The following CLCC1 variants were observed in gnomAD, a reference collection of about 807,000 sequenced individuals.
The protein encoded by CLCC1 is chloride channel CLIC-like protein 1.
In CLCC1, 39 loss-of-function variants were observed where a neutral mutation model predicts 63.3. The observed-to-expected ratio is 0.62, with a 90% CI of 0.48 to 0.81. CLCC1 has a LOEUF of 0.81. Ranked by LOEUF, CLCC1 falls within the 30% of genes least tolerant of loss-of-function variation. The pLI is 0.00. For missense variants in CLCC1, 549 were observed against 669.4 expected (o/e 0.82, Z 1.98); for synonymous variants, 217 against 239.8 (o/e 0.90, Z 0.88).
In CLCC1 at chr1:108,931,572, A is replaced by ACAT; in HGVS notation, c.*974_*975insATG. The ACAT allele has an allele frequency of 6.9e-7, 1 of 1,450,638 alleles. No homozygotes were observed. The highest frequency in any genetic ancestry group is 9.2e-7 in the Non-Finnish European group (1 of 1,092,234). The allele number at this position is 1,450,638 out of a possible 1,614,324, so 89.9% of individuals were successfully genotyped here. A position where few individuals can be genotyped will look rare whatever the true frequency, so the allele number is the denominator to read the frequency against. ...ATGGGCAAATAGAACTATTTCTCTA[A>ACAT]TGGCCAATGTTTTTTAAGAGTCATA... On this transcript the variant is annotated 3_prime_UTR_variant, in exon 13 of 13. Transcript: ENST00000369969.
At position 108,940,123 on chromosome 1, in the gene CLCC1, C is replaced by A; in HGVS notation, c.816G>T (p.Trp272Cys). The change falls in exon 9 of 13, where the codon TGG (tryptophan) becomes TGT (cysteine). Residue 272 changes from tryptophan (W) to cysteine (C), a missense_variant. Trp to Cys is a radical substitution (Grantham distance 215). Transcript: ENST00000369969. ...GSIWEWFRSSWTYKDDPCQKY... is the reference protein window; with the variant it reads ...GSIWEWFRSSCTYKDDPCQKY... ...TTTGGCATGGGTCATCCTTATAGGT[C>A]CATGAACTTCTAAACCATTCTGTTT... is the stretch of plus-strand genomic sequence containing the variant. The A allele has an allele frequency of 5.0e-6, 8 of 1,610,062 alleles. No individual in the cohort carries two copies. Among genetic ancestry groups the A allele is most frequent in the Non-Finnish European group, 6.8e-6 (8 of 1,176,694 alleles).
Position 108,957,981 on chromosome 1 carries a change from A to G in CLCC1, c.-12+4328T>C, listed in dbSNP as rs186194681. Among the ~76,000 whole-genome samples, 65 of 151,528 alleles carry G rather than the reference A, an allele frequency of 4.3e-4. 1 individual carries two copies. Among genetic ancestry groups the G allele is most frequent in the Middle Eastern group, 3.4e-3 (1 of 294 alleles). On this transcript the variant is annotated intron_variant, in intron 2 of 12. Coordinates refer to ENST00000369969, the MANE Select transcript of CLCC1 (RefSeq NM_001377458.1). ...GCAAGAGATAATTCTAGTGAGTGCTATGAGGCAGGAAGAAAACCAAGAGAG... is the reference window on the plus strand; with the variant it reads ...GCAAGAGATAATTCTAGTGAGTGCTGTGAGGCAGGAAGAAAACCAAGAGAG...
In CLCC1 at chr1:108,954,817, CGTGTGT is replaced by C. The variant is rs58482013; in HGVS notation, c.-11-4375_-11-4370del. Among the ~76,000 whole-genome samples the C allele has an allele frequency of 1.9e-3, 274 of 140,596 alleles. 6 individuals carry two copies. The highest frequency in any genetic ancestry group is 6.6e-3 in the African/African-American group (235 of 35,826). 92.2% of individuals were successfully genotyped at this position (140,596 alleles called of 152,430 possible). Reference sequence around the variant, plus strand: ...TACTGTATACTGGGCACTGTCTTTGCGTGTGTGTGTGTGTGTGTGTGTGTGTGTGTG... The same window carrying C: ...TACTGTATACTGGGCACTGTCTTTGCGTGTGTGTGTGTGTGTGTGTGTGTG... On this transcript the variant is annotated intron_variant, in intron 2 of 12. Coordinates refer to ENST00000369969, the MANE Select transcript of CLCC1 (RefSeq NM_001377458.1).
intron 11 of CLCC1, among the ~76,000 whole-genome samples, chr1:108,935,386 G>C (rs997656654): frequency 2.0e-5 from 3 of 152,216 alleles, no homozygotes; most frequent in Non-Finnish European, 4.4e-5. Context: ...GAATTAAAGA[G>C]GCTATGTAAA....
intron 6 of CLCC1, 63 bp downstream of exon 6, chr1:108,943,773 A>C (rs1385088239): frequency 1.4e-6 from 2 of 1,460,826 alleles, no homozygotes; most frequent in African/African-American, 2.8e-5. Context: ...ATTATGGTGG[A>C]GTTTGGAAAG....
In CLCC1 at chr1:108,931,308, C is replaced by G; in HGVS notation, c.*1239G>C. 1 of 1,542,308 alleles carries G rather than the reference C, an allele frequency of 6.5e-7. No individual in the cohort carries two copies. Among genetic ancestry groups the G allele is most frequent in the Non-Finnish European group, 8.8e-7 (1 of 1,142,044 alleles). The stretch of plus-strand genomic sequence containing the variant: ...TGTCATTAAGCTTTGTCTTCCTTAT[C>G]CCAGATATTGAAGGCAGTTTACAAG... On this transcript the variant is annotated 3_prime_UTR_variant, in exon 13 of 13. Coordinates refer to ENST00000369969, the MANE Select transcript of CLCC1 (RefSeq NM_001377458.1).
At chr1:108,936,168 C>G (rs1652956234) in intron 11 of CLCC1, among the ~76,000 whole-genome samples, 1 of 145,980 alleles carries the variant, frequency 6.9e-6, no homozygotes, top group South Asian at 2.2e-4. Context: ...TCTCGGCTCA[C>G]TGCAACCTCC....
chr1:108,937,070 G>T lies in CLCC1; in HGVS notation c.1383+7C>A. Reference sequence around the variant, plus strand: ...GGGACAGCAGAATAAAAGAGTTGCTGACTTACACTGGGTACCACCGTGGGA... The same window carrying T: ...GGGACAGCAGAATAAAAGAGTTGCTTACTTACACTGGGTACCACCGTGGGA... On this transcript the variant is annotated splice_region_variant and intron_variant, in intron 11 of 12. Coordinates refer to ENST00000369969, the MANE Select transcript of CLCC1 (RefSeq NM_001377458.1). 1 of 1,483,770 alleles carries T rather than the reference G, an allele frequency of 6.7e-7. No individual in the cohort carries two copies. 91.9% of individuals were successfully genotyped at this position (1,483,770 alleles called of 1,614,324 possible).
chr1:108,943,733 A>G (rs1024418419), intron 6 of CLCC1, 103 bp downstream of exon 6: 13 of 1,435,372 alleles, frequency 9.1e-6, no homozygotes, highest in African/African-American at 5.7e-5. Flanking sequence ...TCAATACGGT[A>G]TAAGTGACCT....
At chr1:108,958,458 G>A (rs935488897) in intron 2 of CLCC1, among the ~76,000 whole-genome samples, 2 of 151,472 alleles carry the variant, frequency 1.3e-5, no homozygotes, top group East Asian at 1.9e-4. Flanking sequence ...ATCTCAGTGC[G>A]TGTGTTCAAG....
At chr1:108,960,771 C>G (rs933277723) in intron 2 of CLCC1, among the ~76,000 whole-genome samples, 1 of 151,744 alleles carries the variant, frequency 6.6e-6, no homozygotes, top group South Asian at 2.1e-4. Flanking sequence ...ATGGGGGAAA[C>G]GGAGATTTGG....
At chr1:108,951,524 C>T (rs1295041877) in intron 2 of CLCC1, among the ~76,000 whole-genome samples, 3 of 152,112 alleles carry the variant, frequency 2.0e-5, no homozygotes, top group Non-Finnish European at 4.4e-5. Flanking sequence ...GAAAATGCTA[C>T]ATTATGTGAA....
intron 4 of CLCC1, among the ~76,000 whole-genome samples, chr1:108,948,346 A>C (rs1307954094): frequency 3.3e-5 from 5 of 152,236 alleles, no homozygotes; most frequent in Admixed American, 3.3e-4. Context: ...ACACGGGAGC[A>C]GACTTCCTAC....
rs1017471575 is a variant in CLCC1, at chr1:108,930,676, G to T, written c.*1871C>A. On this transcript the variant is annotated 3_prime_UTR_variant, in exon 13 of 13. Transcript: ENST00000369969. The stretch of plus-strand genomic sequence containing the variant: ...GGCCGAAGCGGGCGGATCACTTGAG[G>T]TCGGGAGTTTGAGACCAGCCTGGCC... 1 of 152,238 alleles carries T rather than the reference G, an allele frequency of 6.6e-6. No individual in the cohort carries two copies. The highest frequency in any genetic ancestry group is 6.6e-5 in the Admixed American group (1 of 15,254). 9.4% of individuals were successfully genotyped at this position (152,238 alleles called of 1,614,324 possible).
intron 12 of CLCC1, chr1:108,933,064 T>C (rs1010613808): frequency 3.9e-5 from 6 of 152,218 alleles, no homozygotes; most frequent in African/African-American, 1.4e-4. Flanking sequence ...TTTTAGTACA[T>C]AGCCTTGAAC....
intron 5 of CLCC1, among the ~76,000 whole-genome samples, chr1:108,945,054 A>G (rs1452401791): frequency 6.6e-6 from 1 of 152,216 alleles, no homozygotes; most frequent in Admixed American, 6.5e-5. Context: ...CAATTGATCA[A>G]TATATAACCT....
chr1:108,957,760 G>C (rs1254231060), intron 2 of CLCC1, among the ~76,000 whole-genome samples: 1 of 151,408 alleles, frequency 6.6e-6, no homozygotes, highest in African/African-American at 2.5e-5. Context: ...AGTGTCCACT[G>C]ATGTCCAAGT....
At chr1:108,960,885 G>A (rs759485028) in intron 2 of CLCC1, among the ~76,000 whole-genome samples, 2 of 151,978 alleles carry the variant, frequency 1.3e-5, no homozygotes, top group Non-Finnish European at 2.9e-5. Context: ...ACAGGGTCTT[G>A]CTATGTTGCC....
Position 108,947,708 on chromosome 1 carries a change from C to T in CLCC1, c.242G>A (p.Cys81Tyr). ...ATAGTCTTCCCTCTTTTTCTTTTCA[C>T]ACTCATCAATCTGTAACCATAAAAT... ...LDSLTYKIDE[C>Y]EKKKREDYES... Residue 81 changes from cysteine (C) to tyrosine (Y), a missense_variant, in exon 5 of 13, where the codon TGT (cysteine) becomes TAT (tyrosine). Physicochemically the swap from Cys to Tyr is radical, Grantham distance 194. Transcript: ENST00000369969. 6.2e-7 allele frequency: 1 copy of T among 1,602,592 alleles called. No homozygotes were observed. The highest frequency in any genetic ancestry group is 8.5e-7 in the Non-Finnish European group (1 of 1,171,728).
Sources: allele counts gnomAD v4.1 joint callset (sites outside exome capture counted in the v4.1 genomes callset), GRCh38; gene constraint gnomAD v4.1.1; transcripts MANE v1.5; gene names NCBI Gene and HGNC (gene_info 2026-07-23, HGNC 2026-07-21).